Variants in ANXA8 observed in about 807,000 individuals in gnomAD.
ANXA8 encodes the protein VAC-beta.
In ANXA8, 9 loss-of-function variants were observed where a neutral mutation model predicts 26.8. That is an observed-to-expected ratio of 0.34 (90% CI 0.20 to 0.59). The LOEUF is 0.59. ANXA8 is among the 20% of genes least tolerant of loss of function. ANXA8 has a pLI of 0.84. For synonymous variants in ANXA8, 39 were observed against 94.8 expected, an observed-to-expected ratio of 0.41 and a Z score of 3.42; for missense variants, 83 against 238.5, an observed-to-expected ratio of 0.35 and a Z score of 4.29.
the ANXA8 span, chr10:47,973,307 T>C: frequency 7.6e-5 from 11 of 145,608 alleles, no homozygotes; most frequent in Admixed American, 7.7e-4. Flanking sequence ...GATCTGTGCC[T>C]CAGGAATCAG....
chr10:47,973,265 G>A, the ANXA8 span: 2 of 148,440 alleles, frequency 1.3e-5, no homozygotes, highest in East Asian at 3.9e-4. Context: ...TGAGCATCAT[G>A]TAGTCTTTAA....
At chr10:47,954,380 G>T in the ANXA8 span, among the ~76,000 whole-genome samples, 1 of 151,206 alleles carries the variant, frequency 6.6e-6, no homozygotes, top group South Asian at 2.1e-4. Context: ...TGGAATGATG[G>T]TCACCAGAGC....
At chr10:47,599,188 A>G in the ANXA8 span, among the ~76,000 whole-genome samples, 729 of 144,020 alleles carry the variant, frequency 5.1e-3, 1 homozygote, top group African/African-American at 0.019. Context: ...TACACTACTC[A>G]AGATAAAAAT....
chr10:47,663,423 A>G, the ANXA8 span, among the ~76,000 whole-genome samples: 1 of 138,570 alleles, frequency 7.2e-6, no homozygotes, highest in Non-Finnish European at 1.5e-5. Flanking sequence ...ATCTTGCTCC[A>G]TTGACTAGGC....
chr10:47,979,332 A>G, the ANXA8 span, among the ~76,000 whole-genome samples: 1 of 151,788 alleles, frequency 6.6e-6, no homozygotes, highest in Non-Finnish European at 1.5e-5. Context: ...GTAGTTACCC[A>G]CAGAACACTC....
chr10:47,570,608 C>T, the ANXA8 span, among the ~76,000 whole-genome samples: 1 of 149,848 alleles, frequency 6.7e-6, no homozygotes, highest in Non-Finnish European at 1.5e-5. Context: ...ATAGCGAGAC[C>T]CCGTCTCTAC....
the ANXA8 span, among the ~76,000 whole-genome samples, chr10:47,528,452 A>G: frequency 7.3e-6 from 1 of 136,872 alleles, no homozygotes; most frequent in Non-Finnish European, 1.6e-5. Flanking sequence ...TTCTTGATAC[A>G]ACTAACTAAA....
chr10:47,959,589 C>T, the ANXA8 span, among the ~76,000 whole-genome samples: 1 of 147,310 alleles, frequency 6.8e-6, no homozygotes, highest in African/African-American at 2.6e-5. Flanking sequence ...CTGCTGAGCA[C>T]CATAGCTGTC....
chr10:47,491,774 C>G, the ANXA8 span: 1 of 1,512,400 alleles, frequency 6.6e-7, no homozygotes, highest in South Asian at 1.2e-5. Flanking sequence ...GGCAATAAGC[C>G]CTCACCCCAG....
chr10:47,744,817 T>A, the ANXA8 span, among the ~76,000 whole-genome samples: 1 of 151,954 alleles, frequency 6.6e-6, no homozygotes, highest in Non-Finnish European at 1.5e-5. Context: ...ATCTAGGGCA[T>A]GTTCTGTGAC....
upstream of ANXA8, among the ~76,000 whole-genome samples, chr10:47,486,514 A>G (rs1365127001): frequency 5.1e-5 from 7 of 137,702 alleles, no homozygotes; most frequent in African/African-American, 1.1e-4. Flanking sequence ...TTTCATCATG[A>G]GGACCTATCC....
the ANXA8 span, among the ~76,000 whole-genome samples, chr10:47,968,004 G>A: frequency 7.9e-5 from 12 of 151,082 alleles, no homozygotes; most frequent in African/African-American, 2.9e-4. Context: ...ACCCTTAGCT[G>A]GAATGCTTTA....
At chr10:47,660,407 T>C in the ANXA8 span, among the ~76,000 whole-genome samples, 34 of 151,752 alleles carry the variant, frequency 2.2e-4, no homozygotes, top group Admixed American at 9.2e-4. Flanking sequence ...TTCTTTCTTT[T>C]TTTTTTTTAA....
At chr10:47,587,412 C>G in the ANXA8 span, among the ~76,000 whole-genome samples, 1 of 147,642 alleles carries the variant, frequency 6.8e-6, no homozygotes, top group Non-Finnish European at 1.5e-5. Context: ...TCCCCATCAT[C>G]ATCATGGTCA....
the ANXA8 span, chr10:47,564,981 A>T: frequency 1.8e-6 from 2 of 1,118,704 alleles, no homozygotes; most frequent in Admixed American, 3.4e-5. Context: ...TCCAGCTGCC[A>T]AGTCATCGTC....
chr10:47,944,935 T>A, the ANXA8 span, among the ~76,000 whole-genome samples: 1 of 147,340 alleles, frequency 6.8e-6, no homozygotes, highest in East Asian at 2.4e-4. Context: ...TCTCGCTTCA[T>A]GTGACTTCTT....
the ANXA8 span, among the ~76,000 whole-genome samples, chr10:47,572,584 G>T: frequency 6.6e-6 from 1 of 150,744 alleles, no homozygotes; most frequent in Non-Finnish European, 1.5e-5. Flanking sequence ...AGGCGTGGTG[G>T]CGGGCACCTG....
the ANXA8 span, among the ~76,000 whole-genome samples, chr10:47,955,091 T>C: frequency 1.4e-5 from 2 of 146,382 alleles, no homozygotes; most frequent in Non-Finnish European, 3.0e-5. Context: ...AGATCTTTAC[T>C]GTGCTGTTCT....
chr10:47,616,391 T>G, the ANXA8 span, among the ~76,000 whole-genome samples: 1 of 59,874 alleles, frequency 1.7e-5, no homozygotes, highest in Non-Finnish European at 4.1e-5. Context: ...TTGCAAACAC[T>G]TGCCAGTGGG....
Sources: gnomAD v4.1 joint callset for allele counts (sites outside exome capture counted in the v4.1 genomes callset) on GRCh38, gnomAD v4.1.1 for gene constraint, MANE v1.5 for transcripts, NCBI Gene and HGNC (gene_info 2026-07-23, HGNC 2026-07-21) for gene names.